Variants in PHOX2B observed in about 807,000 individuals in gnomAD.
The protein encoded by PHOX2B is paired like homeobox 2B, also known as paired mesoderm homeobox protein 2B.
PHOX2B carries 1 observed loss-of-function variant against 15.5 expected under a neutral mutation model. The ratio of observed to expected loss-of-function variants is 0.06; its 90% CI spans 0.02 to 0.31. PHOX2B has a LOEUF of 0.31. Ranked by LOEUF, PHOX2B falls within the 10% of genes least tolerant of loss-of-function variation. The pLI is 1.00. For synonymous variants in PHOX2B, 206 were observed against 190.5 expected, an observed-to-expected ratio of 1.08 and a Z score of -0.67; for missense variants, 314 against 436.4, an observed-to-expected ratio of 0.72 and a Z score of 2.50.
intron 2 of PHOX2B, among the ~76,000 whole-genome samples, chr4:41,746,946 T>C (rs1490790555): frequency 3.3e-5 from 5 of 152,036 alleles, no homozygotes; most frequent in African/African-American, 1.2e-4. Flanking sequence ...AAAATGAACC[T>C]ATATGCCATG....
intron 2 of PHOX2B, among the ~76,000 whole-genome samples, chr4:41,746,576 G>T (rs1472589452): frequency 6.6e-6 from 1 of 152,184 alleles, no homozygotes; most frequent in Non-Finnish European, 1.5e-5. Flanking sequence ...TTAAAAAGCC[G>T]CAGGTCCCAG....
At chr4:41,746,866 A>T (rs1733917352) in intron 2 of PHOX2B, among the ~76,000 whole-genome samples, 2 of 152,204 alleles carry the variant, frequency 1.3e-5, no homozygotes, top group South Asian at 2.1e-4. Flanking sequence ...AGGTTGGAGT[A>T]AGTCATGGTT....
intron 1 of PHOX2B, chr4:41,747,761 G>A: frequency 2.9e-6 from 2 of 690,974 alleles, no homozygotes; most frequent in East Asian, 2.8e-5. Flanking sequence ...TGGCACAAGC[G>A]CCTTTGGGTG....
chr4:41,747,255 A>T, intron 2 of PHOX2B, 94 bp downstream of exon 2: 1 of 1,031,386 alleles, frequency 9.7e-7, no homozygotes, highest in Admixed American at 1.8e-5. Context: ...TTCTCACTCG[A>T]GGCTCCAGGA....
At position 41,745,132 on chromosome 4, in the gene PHOX2B, T is replaced by TA. The variant is rs397840867; in HGVS notation, c.*674dup. The TA allele has an allele frequency of 0.15, 35,370 of 232,930 alleles. 3,044 individuals are homozygous for TA. The highest frequency in any genetic ancestry group is 0.26 in the African/African-American group (11,849 of 45,312). The allele number at this position is 232,930 out of a possible 1,614,324, so 14.4% of individuals were successfully genotyped here. ...GGAAGGGGGGCTGGAACGGCGTCCC[T>TA]ACTCTTCCCTGAAGAAGAGCCCCAA... On this transcript the variant is annotated 3_prime_UTR_variant, in exon 3 of 3. Transcript: ENST00000226382. The surrounding 1 kb of genome is among the most constrained non-coding windows in gnomAD (Gnocchi z 4.0).
At chr4:41,746,805 G>A (rs1025534572) in intron 2 of PHOX2B, among the ~76,000 whole-genome samples, 10 of 152,190 alleles carry the variant, frequency 6.6e-5, no homozygotes, top group African/African-American at 2.2e-4. Context: ...TCGGTCGGGG[G>A]CTCACCCAGA....
rs1368103166 is a variant in PHOX2B, at chr4:41,745,846, G to A, written c.906C>T (p.Asn302=). 6.2e-7 allele frequency: 1 copy of A among 1,609,848 alleles called. No individual in the cohort carries two copies. Among genetic ancestry groups the A allele is most frequent in the Non-Finnish European group, 8.5e-7 (1 of 1,178,070 alleles). Reference sequence around the variant, plus strand: ...TCTTCACTAAGGCGGCTTTGGCACCGTTGGGTCTTTGGAGCGAAGATAGGA... The same window carrying A: ...TCTTCACTAAGGCGGCTTTGGCACCATTGGGTCTTTGGAGCGAAGATAGGA... The part of the protein sequence containing the change: ...ASVLSSLQRP[N]GAKAALVKSS... Residue 302 remains asparagine, a synonymous_variant, in exon 3 of 3, where the codon AAC becomes AAT. Transcript: ENST00000226382. The surrounding 1 kb of genome is among the most constrained non-coding windows in gnomAD (Gnocchi z 4.0).
At chr4:41,748,346 G>T in intron 1 of PHOX2B, 24 bp downstream of exon 1, 2 of 1,613,440 alleles carry the variant, frequency 1.2e-6, no homozygotes, top group Non-Finnish European at 1.7e-6. Context: ...GGCTTCCTCC[G>T]CTGAGAAAGC....
rs1577558066 is a variant in PHOX2B, at chr4:41,744,848, A to G, written c.*959T>C. The stretch of plus-strand genomic sequence containing the variant: ...CGGGGTAGGCGGGAGCGAGGGGGAA[A>G]AAAAGAGTTGCGAAACATGAGACAC... On this transcript the variant is annotated 3_prime_UTR_variant, in exon 3 of 3. Transcript: ENST00000226382. The G allele has an allele frequency of 6.4e-5, 15 of 233,656 alleles. No homozygotes were observed. The East Asian group carries it at 9.0e-4, about 14-fold the overall frequency. 14.5% of individuals were successfully genotyped at this position (233,656 alleles called of 1,614,324 possible).
Position 41,747,481 on chromosome 4 carries a change from C to T in PHOX2B, c.297G>A (p.Arg99=). ...HGGLNEKRKQ[R]RIRTTFTSAQ... ...CACTGGTGAAAGTGGTGCGGATGCGCCGCTGCTTGCGCTTCTCGTTGAGGC... is the reference window on the plus strand; with the variant it reads ...CACTGGTGAAAGTGGTGCGGATGCGTCGCTGCTTGCGCTTCTCGTTGAGGC... The change falls in exon 2 of 3, where the codon CGG becomes CGA. Residue 99 remains arginine (R), a synonymous_variant. Transcript: ENST00000226382. 1 of 1,611,114 alleles carries T rather than the reference C, an allele frequency of 6.2e-7. No homozygotes were observed. The highest frequency in any genetic ancestry group is 8.5e-7 in the Non-Finnish European group (1 of 1,179,964).
chr4:41,748,323 C>T (rs781178952), intron 1 of PHOX2B, 47 bp downstream of exon 1: 6 of 1,607,890 alleles, frequency 3.7e-6, no homozygotes, highest in African/African-American at 1.3e-5. Context: ...TTCCTATATA[C>T]GGGCGGAAAG....
rs1194861348 is a variant in PHOX2B at position 41,748,445 on chromosome 4, C to T, written c.166G>A (p.Gly56Ser). Residue 56 changes from glycine (G) to serine (S), a missense_variant, in exon 1 of 3, where the codon GGC (glycine) becomes AGC (serine). Gly to Ser is a moderately conservative substitution (Grantham distance 56). Transcript: ENST00000226382. ...GATCCCGGCGTGAGGGAAGGGCAGC[C>T]GGACGTGGCCCCAAAAGTGGTCCTT... ...PIRTTFGATS[G>S]CPSLTPGSCS... 2.5e-6 allele frequency: 4 copies of T among 1,614,002 alleles called. No homozygotes were observed. The highest frequency in any genetic ancestry group is 3.4e-6 in the Non-Finnish European group (4 of 1,180,018).
Position 41,747,717 on chromosome 4 carries a change from T to G in PHOX2B, c.242-181A>C, listed in dbSNP as rs1284698266. 3 of 707,308 alleles carry G rather than the reference T, an allele frequency of 4.2e-6. No homozygotes were observed. The East Asian group carries it at 8.1e-5, about 19-fold the overall frequency. 43.8% of individuals were successfully genotyped at this position (707,308 alleles called of 1,614,324 possible). On this transcript the variant is annotated intron_variant, in intron 1 of 2. Transcript: ENST00000226382. Reference sequence around the variant, plus strand: ...AGGAAATTTGTTATCTGCGGAAACCTGGGCTCAAACTTCGGGCTTGGCGGA... The same window carrying G: ...AGGAAATTTGTTATCTGCGGAAACCGGGGCTCAAACTTCGGGCTTGGCGGA...
rs757355779 is a variant in PHOX2B, at chr4:41,746,026, T to C, written c.726A>G (p.Ala242=). 1,057 of 1,180,512 alleles carry C rather than the reference T, an allele frequency of 9.0e-4. 9 individuals are homozygous for C. The African/African-American group carries it at 0.015, about 17-fold the overall frequency. The allele number at this position is 1,180,512 out of a possible 1,614,324, so 73.1% of individuals were successfully genotyped here. ...PGGEPGKGGA[A]AAAAAAAAAA... ...CCGCTGCCGCGGCCGCCGCCGCTGCTGCTGCGCCGCCCTTGCCGGGTTCGC... is the reference window on the plus strand; with the variant it reads ...CCGCTGCCGCGGCCGCCGCCGCTGCCGCTGCGCCGCCCTTGCCGGGTTCGC... Residue 242 remains alanine (A), a synonymous_variant, in exon 3 of 3, where the codon GCA becomes GCG. Coordinates refer to ENST00000226382, the MANE Select transcript of PHOX2B (RefSeq NM_003924.4).
Position 41,745,778 on chromosome 4 carries a change from C to G in PHOX2B, c.*29G>C. On this transcript the variant is annotated 3_prime_UTR_variant, in exon 3 of 3. Coordinates refer to ENST00000226382, the MANE Select transcript of PHOX2B (RefSeq NM_003924.4). The surrounding 1 kb of genome is among the most constrained non-coding windows in gnomAD (Gnocchi z 4.0). ...CGGGCCCTGGCTCGCCCGCTGTCGC[C>G]GCCGCCGCCGCCGCCGCAGGATTCC... The G allele has an allele frequency of 1.9e-6, 3 of 1,587,714 alleles. No homozygotes were observed. Among genetic ancestry groups the G allele is most frequent in the Non-Finnish European group, 2.6e-6 (3 of 1,168,424 alleles).
In PHOX2B at chr4:41,746,103, C is replaced by A; in HGVS notation, c.649G>T (p.Gly217Trp). Residue 217 changes from glycine (G) to tryptophan (W), a missense_variant, in exon 3 of 3, where the codon GGG (glycine) becomes TGG (tryptophan). By Grantham distance (184) the Gly-to-Trp change is radical. Coordinates refer to ENST00000226382, the MANE Select transcript of PHOX2B (RefSeq NM_003924.4). ...SCGANGGGGG[G>W]PSPAGAPGAA... Reference sequence around the variant, plus strand: ...CCCGGAGCTCCAGCCGGGCTGGGCCCGCCGCCGCCGCCTCCATTCGCCCCG... The same window carrying A: ...CCCGGAGCTCCAGCCGGGCTGGGCCAGCCGCCGCCGCCTCCATTCGCCCCG... 1.9e-6 allele frequency: 3 copies of A among 1,540,338 alleles called. No individual in the cohort carries two copies. Among genetic ancestry groups the A allele is most frequent in the Non-Finnish European group, 2.6e-6 (3 of 1,146,810 alleles).
chr4:41,746,327 C>G lies in PHOX2B; in HGVS notation c.430-5G>C. ...GCGGCGGTTCTGGAACCACACCTGG[C>G]CCAAGACGGAAGGAGAGACGGTGAA... On this transcript the variant is annotated splice_polypyrimidine_tract_variant and splice_region_variant and intron_variant, in intron 2 of 2. Transcript: ENST00000226382. 1.2e-6 allele frequency: 2 copies of G among 1,613,600 alleles called. No homozygotes were observed. Among genetic ancestry groups the G allele is most frequent in the Non-Finnish European group, 1.7e-6 (2 of 1,179,804 alleles).
At chr4:41,746,987 G>A (rs1317641861) in intron 2 of PHOX2B, among the ~76,000 whole-genome samples, 1 of 151,418 alleles carries the variant, frequency 6.6e-6, no homozygotes, top group Non-Finnish European at 1.5e-5. Flanking sequence ...GAGTTAGGAG[G>A]CATTTTTTTG....
Position 41,745,330 on chromosome 4 carries a change from A to G in PHOX2B, c.*477T>C, listed in dbSNP as rs1486630973. Reference sequence around the variant, plus strand: ...GTTTTTTAATGGTTTCTGCCTTCCAACTTTTTTGTTTTTATTTTTACTTTT... The same window carrying G: ...GTTTTTTAATGGTTTCTGCCTTCCAGCTTTTTTGTTTTTATTTTTACTTTT... On this transcript the variant is annotated 3_prime_UTR_variant, in exon 3 of 3. Coordinates refer to ENST00000226382, the MANE Select transcript of PHOX2B (RefSeq NM_003924.4). This position sits in a 1 kb window ranked among gnomAD's most constrained non-coding sequence, Gnocchi z 4.0. 7 of 233,518 alleles carry G rather than the reference A, an allele frequency of 3.0e-5. No individual in the cohort carries two copies. Among genetic ancestry groups the G allele is most frequent in the South Asian group, 1.8e-4 (1 of 5,500 alleles). The allele number at this position is 233,518 out of a possible 1,614,324, so 14.5% of individuals were successfully genotyped here.
Sources: allele counts gnomAD v4.1 joint callset (sites outside exome capture counted in the v4.1 genomes callset), GRCh38; gene constraint gnomAD v4.1.1; non-coding constraint Gnocchi (gnomAD v3.1); transcripts MANE v1.5; gene names NCBI Gene and HGNC (gene_info 2026-07-23, HGNC 2026-07-21).